Variants in ESF1 observed in about 807,000 individuals in gnomAD.
ESF1 encodes ESF1 homolog.
In ESF1, 58 loss-of-function variants were observed where a neutral mutation model predicts 92.0. The ratio of observed to expected loss-of-function variants is 0.63; its 90% CI spans 0.51 to 0.78. The LOEUF (loss-of-function observed/expected upper bound fraction) is 0.78. Ranked by LOEUF, ESF1 falls within the 30% of genes least tolerant of loss-of-function variation. ESF1 has a pLI of 0.00. For synonymous variants in ESF1, 321 were observed against 313.7 expected, an observed-to-expected ratio of 1.02 and a Z score of -0.24; for missense variants, 922 against 989.1, an observed-to-expected ratio of 0.93 and a Z score of 0.91.
At chr20:13,761,104 CAT>C (rs1979174814) in intron 8 of ESF1, among the ~76,000 whole-genome samples, 1 of 152,052 alleles carries the variant, frequency 6.6e-6, no homozygotes, top group African/African-American at 2.4e-5. Context: ...CTCTCTGAAA[CAT>C]GTGCTGTGTC....
chr20:13,749,479 C>G (rs1978522393), intron 9 of ESF1, among the ~76,000 whole-genome samples: 1 of 152,106 alleles, frequency 6.6e-6, no homozygotes, highest in Non-Finnish European at 1.5e-5. Context: ...TACACAGGGT[C>G]AGGTTTTCAA....
intron 7 of ESF1, among the ~76,000 whole-genome samples, chr20:13,767,376 C>T (rs1438821685): frequency 6.6e-6 from 1 of 151,962 alleles, no homozygotes; most frequent in Non-Finnish European, 1.5e-5. Context: ...GAAAAATTAG[C>T]TGGGCGTGGT....
intron 9 of ESF1, among the ~76,000 whole-genome samples, chr20:13,745,445 GTTTAAT>G (rs900812576): frequency 6.6e-6 from 1 of 152,126 alleles, no homozygotes; most frequent in Non-Finnish European, 1.5e-5. Context: ...AAAATAGAAT[GTTTAAT>G]TTTATTTTTT....
chr20:13,757,571 G>T (rs931480147), intron 9 of ESF1, among the ~76,000 whole-genome samples: 2 of 152,032 alleles, frequency 1.3e-5, no homozygotes, highest in African/African-American at 4.8e-5. Context: ...GCTAATTTTT[G>T]TATTTTTTTG....
intron 11 of ESF1, among the ~76,000 whole-genome samples, chr20:13,726,832 TCAAAACAAAACAAAA>T (rs36210106): frequency 7.9e-5 from 12 of 151,342 alleles, no homozygotes; most frequent in Non-Finnish European, 1.2e-4. Context: ...TTTTGCTTTT[TCAAAACAAAACAAAA>T]CAAAACAAAA....
At chr20:13,726,935 C>G (rs970922633) in intron 11 of ESF1, among the ~76,000 whole-genome samples, 1 of 152,190 alleles carries the variant, frequency 6.6e-6, no homozygotes, top group African/African-American at 2.4e-5. Flanking sequence ...TGGGAACACT[C>G]TGAAATCAAA....
intron 9 of ESF1, among the ~76,000 whole-genome samples, chr20:13,754,259 GC>G (rs1374615012): frequency 6.6e-6 from 1 of 152,078 alleles, no homozygotes; most frequent in Non-Finnish European, 1.5e-5. Flanking sequence ...TCACTGAAAT[GC>G]CTTCTTTATT....
chr20:13,775,446 TA>T (rs1424589946), intron 3 of ESF1, among the ~76,000 whole-genome samples, 176 bp from the exon 4 acceptor site: 2 of 152,174 alleles, frequency 1.3e-5, no homozygotes, highest in Non-Finnish European at 2.9e-5. Flanking sequence ...CAAACAATAG[TA>T]AAACCATAAC....
chr20:13,743,403 A>G (rs989253495), intron 9 of ESF1, among the ~76,000 whole-genome samples: 3 of 152,236 alleles, frequency 2.0e-5, no homozygotes, highest in Non-Finnish European at 2.9e-5. Flanking sequence ...AAATGAAATC[A>G]GTATCTTGAA....
At chr20:13,771,259 A>C (rs1163674666) in intron 6 of ESF1, 72 bp downstream of exon 6, 4 of 1,366,836 alleles carry the variant, frequency 2.9e-6, no homozygotes, top group Non-Finnish European at 3.1e-6. Flanking sequence ...GATCACTACC[A>C]GTTCAAATAT....
chr20:13,772,655 C>T, intron 4 of ESF1, 40 bp from the exon 5 acceptor site: 1 of 1,386,800 alleles, frequency 7.2e-7, no homozygotes, highest in Non-Finnish European at 1.0e-6. Context: ...TTTGTACATT[C>T]CTTTACACAA....
At chr20:13,723,308 CTGT>C (rs1439645235) in intron 11 of ESF1, among the ~76,000 whole-genome samples, 2 of 152,000 alleles carry the variant, frequency 1.3e-5, no homozygotes, top group African/African-American at 4.8e-5. Flanking sequence ...CAGATGCAGT[CTGT>C]TAAGGATAAT....
rs555861996 is a variant in ESF1 at position 13,779,842 on chromosome 20, G to A, written c.637+2662C>T. On this transcript the variant is annotated intron_variant, in intron 2 of 13. Transcript: ENST00000617257. The stretch of plus-strand genomic sequence containing the variant: ...GAGCCACTGTGCCCAGCCAGTTACC[G>A]TTTTATTTTAAAAATAATGCTGCAA... 9.9e-5 allele frequency among the ~76,000 whole-genome samples: 15 copies of A among 152,166 alleles called. No homozygotes were observed. In the South Asian group the frequency reaches 2.5e-3, roughly 25 times the overall value.
intron 9 of ESF1, among the ~76,000 whole-genome samples, chr20:13,747,574 C>T (rs1253013772): frequency 7.0e-6 from 1 of 143,660 alleles, no homozygotes; most frequent in Non-Finnish European, 1.5e-5. Flanking sequence ...AGCCTGCCGA[C>T]AGAGCGAGAC....
chr20:13,750,551 T>A (rs1234555521), intron 9 of ESF1, among the ~76,000 whole-genome samples: 1 of 152,100 alleles, frequency 6.6e-6, no homozygotes, highest in African/African-American at 2.4e-5. Flanking sequence ...TTACACCCTA[T>A]CCTTTACTTG....
chr20:13,730,098 G>A (rs1369549050), intron 10 of ESF1, among the ~76,000 whole-genome samples: 1 of 151,850 alleles, frequency 6.6e-6, no homozygotes, highest in Non-Finnish European at 1.5e-5. Flanking sequence ...TGAGACAAGA[G>A]TTTTGCTCTT....
chr20:13,783,916 CAACA>C (rs1277120865), intron 1 of ESF1, among the ~76,000 whole-genome samples: 1 of 152,226 alleles, frequency 6.6e-6, no homozygotes, highest in African/African-American at 2.4e-5. Flanking sequence ...CGGCTACTGC[CAACA>C]AACAGCCTTT....
intron 2 of ESF1, among the ~76,000 whole-genome samples, chr20:13,778,280 A>G (rs956271902): frequency 6.6e-6 from 1 of 152,170 alleles, no homozygotes. Flanking sequence ...CCAAAATGAA[A>G]GCATTGTCAC....
In ESF1 at chr20:13,772,632, AG is replaced by A. The variant is rs1260289668; in HGVS notation, c.1150-18del. ...AGGATATATCTAAACAGAAAAAAAT[AG>A]GATCAATGTAATTTGTACATTCCTT... is the stretch of plus-strand genomic sequence containing the variant. On this transcript the variant is annotated intron_variant, in intron 4 of 13. Transcript: ENST00000617257. The A allele has an allele frequency of 6.5e-7, 1 of 1,542,868 alleles. No individual in the cohort carries two copies. The highest frequency in any genetic ancestry group is 2.2e-5 in the East Asian group (1 of 44,478).
Sources: allele counts gnomAD v4.1 joint callset (sites outside exome capture counted in the v4.1 genomes callset), GRCh38; gene constraint gnomAD v4.1.1; transcripts MANE v1.5; gene names NCBI Gene and HGNC (gene_info 2026-07-23, HGNC 2026-07-21).